The following IRAG2 variants were observed in gnomAD, a reference collection of about 807,000 sequenced individuals.
IRAG2 encodes inositol 1,4,5-triphosphate receptor associated 2, also known as lymphoid restricted membrane protein.
In IRAG2, 45 loss-of-function variants were observed where a neutral mutation model predicts 69.9. The observed-to-expected ratio is 0.64, with a 90% CI of 0.51 to 0.83. The LOEUF (loss-of-function observed/expected upper bound fraction) is 0.83. Ranked by LOEUF, IRAG2 falls within the 40% of genes least tolerant of loss-of-function variation. The pLI, the probability that IRAG2 is intolerant of heterozygous loss-of-function variation, is 0.00. For missense variants in IRAG2, 520 were observed against 587.0 expected, an observed-to-expected ratio of 0.89 and a Z score of 1.18; for synonymous variants, 193 against 202.4, an observed-to-expected ratio of 0.95 and a Z score of 0.40.
chr12:25,037,266 G>A (rs1477571570), intron 15 of IRAG2, among the ~76,000 whole-genome samples: 5 of 152,010 alleles, frequency 3.3e-5, no homozygotes, highest in Non-Finnish European at 7.4e-5. Flanking sequence ...GTAAACTCTG[G>A]AATATGATTT....
chr12:25,078,047 T>C (rs111540810), intron 6 of IRAG2, among the ~76,000 whole-genome samples: 5 of 152,308 alleles, frequency 3.3e-5, no homozygotes, highest in African/African-American at 1.2e-4. Context: ...GAAGACACTG[T>C]ATTTAGTTCG....
rs1156505709 is a variant in IRAG2 at position 25,089,749 on chromosome 12, G to A, written c.438-14G>A. 1 of 1,612,764 alleles carries A rather than the reference G, an allele frequency of 6.2e-7. No individual in the cohort carries two copies. Among genetic ancestry groups the A allele is most frequent in the African/African-American group, 1.3e-5 (1 of 74,860 alleles). ...TGGATTATGTTTAAATATGTTTTTT[G>A]TCTTATCCTACAGCACTTCTGCTAA... On this transcript the variant is annotated splice_polypyrimidine_tract_variant and intron_variant, in intron 12 of 21. Transcript: ENST00000556887.
intron 1 of IRAG2, among the ~76,000 whole-genome samples, chr12:25,053,602 A>C (rs1399818712): frequency 3.3e-5 from 5 of 152,152 alleles, no homozygotes; most frequent in Admixed American, 3.3e-4. Flanking sequence ...TACAGATGTC[A>C]GATTAGCTAT....
chr12:25,018,149 C>T (rs942161060), intron 6 of IRAG2, among the ~76,000 whole-genome samples: 12 of 148,132 alleles, frequency 8.1e-5, no homozygotes, highest in African/African-American at 2.7e-4. Context: ...CTGCCATGAA[C>T]ATTTGTGCAG....
intron 15 of IRAG2, among the ~76,000 whole-genome samples, chr12:25,100,315 A>G (rs1046217574): frequency 3.3e-5 from 5 of 152,132 alleles, no homozygotes; most frequent in African/African-American, 1.2e-4. Context: ...TGGTCCAGCC[A>G]CCGTGGAAAA....
Position 25,008,654 on chromosome 12 carries a change from G to A in IRAG2, c.689-2690G>A, listed in dbSNP as rs1019597537. ...CTAGGGAGGCTGAGGCACAAGAAGC[G>A]TTTGAACTCAGGAGTTGGAGGCTGC... On this transcript the variant is annotated intron_variant, in intron 2 of 38. Transcript: ENST00000636465. Among the ~76,000 whole-genome samples the A allele has an allele frequency of 6.6e-5, 10 of 152,204 alleles. No individual in the cohort carries two copies. The South Asian group carries it at 1.0e-3, about 16-fold the overall frequency.
intron 10 of IRAG2, among the ~76,000 whole-genome samples, chr12:25,030,727 T>G (rs1434460926): frequency 1.3e-5 from 2 of 152,188 alleles, no homozygotes; most frequent in African/African-American, 4.8e-5. Flanking sequence ...AGACTTTCCT[T>G]TATAGCACTT....
At chr12:25,021,125 G>C (rs547652218) in intron 7 of IRAG2, 67 of 235,892 alleles carry the variant, frequency 2.8e-4, no homozygotes, top group African/African-American at 1.7e-3. Flanking sequence ...TTTTTTTTGA[G>C]ACAGGATCTT....
intron 3 of IRAG2, chr12:25,015,112 A>AAAAAAAAAAAAAG: frequency 2.8e-6 from 1 of 360,094 alleles, no homozygotes; most frequent in Non-Finnish European, 3.8e-6. Context: ...AAAAAAAAAA[A>AAAAAAAAAAAAAG]GACAAAACTT....
intron 15 of IRAG2, among the ~76,000 whole-genome samples, chr12:25,037,031 T>C (rs1339302517): frequency 1.3e-5 from 2 of 152,222 alleles, no homozygotes; most frequent in Non-Finnish European, 2.9e-5. Context: ...ATGATTACTG[T>C]GTAACAGAAT....
chr12:25,104,617 T>G (rs978238799), intron 20 of IRAG2, among the ~76,000 whole-genome samples, 155 bp downstream of exon 20: 1 of 152,220 alleles, frequency 6.6e-6, no homozygotes, highest in Admixed American at 6.5e-5. Context: ...AATATAAGTG[T>G]TATTTGTGAA....
chr12:25,016,865 A>C (rs922928471), intron 5 of IRAG2, among the ~76,000 whole-genome samples: 1 of 152,218 alleles, frequency 6.6e-6, no homozygotes, highest in Admixed American at 6.5e-5. Context: ...AGGGGAAAAG[A>C]ATCAACAAAA....
chr12:25,052,672 C>T (rs2139883292), upstream of IRAG2: 2 of 397,616 alleles, frequency 5.0e-6, no homozygotes, highest in South Asian at 1.4e-4. Context: ...TCAGGAGAGG[C>T]TTATCACTTC....
intron 10 of IRAG2, chr12:25,032,074 T>C: frequency 2.5e-6 from 1 of 398,040 alleles, no homozygotes; most frequent in Non-Finnish European, 4.4e-6. Context: ...CTCACATTAA[T>C]AGTCTAATAT....
At position 25,101,198 on chromosome 12, in the gene IRAG2, A is replaced by C. The variant is rs1052051486; in HGVS notation, c.762A>C (p.Ala254=). 1.9e-6 allele frequency: 3 copies of C among 1,608,512 alleles called. No homozygotes were observed. In the East Asian group the frequency reaches 6.7e-5, roughly 36 times the overall value. ...GCTAGGAAAGCCGGGTTAGTAAAGC[A>C]GTTGAAGTGATGATTCAGCACGTAG... ...AINQESRVSK[A]VEVMIQHVEN... Residue 254 remains alanine (A), a synonymous_variant, in exon 16 of 22, where the codon GCA becomes GCC. Transcript: ENST00000556887.
intron 2 of IRAG2, among the ~76,000 whole-genome samples, chr12:25,008,218 G>A (rs563578958): frequency 2.6e-5 from 4 of 152,184 alleles, no homozygotes; most frequent in East Asian, 1.9e-4. Flanking sequence ...ACTCTATTCC[G>A]CGTTATGAAC....
At chr12:25,030,283 G>T in exon 10 of IRAG2, 1 of 1,231,642 alleles carries the variant, frequency 8.1e-7, no homozygotes. Flanking sequence ...TTCAGATGCA[G>T]TTACACACAT....
intron 14 of IRAG2, 89 bp downstream of exon 14, chr12:25,090,286 G>T: frequency 7.9e-7 from 1 of 1,269,342 alleles, no homozygotes; most frequent in Non-Finnish European, 1.1e-6. Flanking sequence ...GGGAGGCCAA[G>T]GCAGGAGGAT....
upstream of IRAG2, among the ~76,000 whole-genome samples, chr12:25,003,711 TCTTAGTTTC>T (rs1450007676): frequency 6.6e-6 from 1 of 152,178 alleles, no homozygotes; most frequent in Non-Finnish European, 1.5e-5. Context: ...CCTCTTTGAT[TCTTAGTTTC>T]CTTATCTATA....
Sources: allele counts gnomAD v4.1 joint callset (sites outside exome capture counted in the v4.1 genomes callset), GRCh38; gene constraint gnomAD v4.1.1; transcripts MANE v1.5; gene names NCBI Gene and HGNC (gene_info 2026-07-23, HGNC 2026-07-21).